Variants in INPP4B observed in about 807,000 individuals in gnomAD.
INPP4B encodes the protein inositol polyphosphate 4-phosphatase type II.
In INPP4B, 55 loss-of-function variants were observed where a neutral mutation model predicts 122.5. The ratio of observed to expected loss-of-function variants is 0.45; its 90% confidence interval spans 0.36 to 0.56. The LOEUF is 0.56. Among genes scored for constraint, INPP4B ranks in the 20% least tolerant of loss-of-function variants. The probability of loss-of-function intolerance (pLI) is 0.00; values close to 1 mark genes in which losing one functional copy is unlikely to be tolerated. For synonymous variants in INPP4B, 403 were observed against 388.7 expected, an observed-to-expected ratio of 1.04 and a Z score of -0.43; for missense variants, 1,000 against 1,097.7, an observed-to-expected ratio of 0.91 and a Z score of 1.26.
chr4:142,349,038 T>C (rs1416813663), intron 7 of INPP4B, among the ~76,000 whole-genome samples: 1 of 152,044 alleles, frequency 6.6e-6, no homozygotes, highest in Non-Finnish European at 1.5e-5. Flanking sequence ...TTATTTCTCT[T>C]CCAAATTTCT....
chr4:142,336,383 A>G (rs937887436), intron 7 of INPP4B, among the ~76,000 whole-genome samples: 5 of 152,164 alleles, frequency 3.3e-5, no homozygotes, highest in Non-Finnish European at 4.4e-5. Flanking sequence ...AAGAGCAGTC[A>G]CACTTCTGGA....
intron 2 of INPP4B, among the ~76,000 whole-genome samples, chr4:142,601,968 C>CAA (rs70949178): frequency 1.1e-4 from 8 of 74,884 alleles, no homozygotes; most frequent in South Asian, 5.2e-4. Flanking sequence ...GACTCCATCT[C>CAA]AAAAAAAAAA....
chr4:142,177,884 C>T (rs1015087159), intron 15 of INPP4B, among the ~76,000 whole-genome samples: 2 of 152,084 alleles, frequency 1.3e-5, no homozygotes, highest in African/African-American at 2.4e-5. Flanking sequence ...TGTCCCAGTC[C>T]CTTTTTCCTG....
intron 25 of INPP4B, chr4:142,029,909 G>A: frequency 8.2e-7 from 1 of 1,218,534 alleles, no homozygotes; most frequent in Non-Finnish European, 1.0e-6. Context: ...TCTTGAGCTA[G>A]TTAACAGTGG....
chr4:142,659,487 A>G (rs1346722996), intron 2 of INPP4B, among the ~76,000 whole-genome samples: 4 of 152,122 alleles, frequency 2.6e-5, no homozygotes, highest in Non-Finnish European at 5.9e-5. Flanking sequence ...TAAACTCATT[A>G]GTTGTTTTTA....
chr4:142,272,070 T>C (rs182457458), intron 9 of INPP4B, among the ~76,000 whole-genome samples: 83 of 152,318 alleles, frequency 5.4e-4, no homozygotes, highest in Middle Eastern at 3.4e-3. Flanking sequence ...AACTGAATAG[T>C]CATGTGACGT....
At chr4:142,765,529 T>C (rs1161007841) in intron 1 of INPP4B, among the ~76,000 whole-genome samples, 1 of 152,152 alleles carries the variant, frequency 6.6e-6, no homozygotes. Context: ...GTCCTTGTAA[T>C]TGAAAATAGA....
intron 1 of INPP4B, among the ~76,000 whole-genome samples, chr4:142,767,187 C>T (rs568919147): frequency 3.3e-4 from 50 of 152,258 alleles, no homozygotes; most frequent in African/African-American, 1.1e-3. Flanking sequence ...TTAATGTTTG[C>T]TCTGTCACTC....
At chr4:142,642,875 C>T (rs570376525) in intron 2 of INPP4B, among the ~76,000 whole-genome samples, 4 of 152,112 alleles carry the variant, frequency 2.6e-5, no homozygotes, top group Non-Finnish European at 5.9e-5. Context: ...GCCATTTTCA[C>T]AATATTGATT....
rs28475830 is a variant in INPP4B, at chr4:142,503,691, T to C, written c.-190-40965A>G. ...TACAAGAAGAATAGGTGCCTAATCA[T>C]AGCCAATAAAATCATGTAATAGAAG... On this transcript the variant is annotated intron_variant, in intron 2 of 25. Coordinates refer to ENST00000262992, the MANE Select transcript of INPP4B (RefSeq NM_001101669.3). 9.5e-3 allele frequency among the ~76,000 whole-genome samples: 1,448 copies of C among 152,152 alleles called. 21 individuals carry two copies. Among genetic ancestry groups the C allele is most frequent in the African/African-American group, 0.033 (1,370 of 41,536 alleles).
chr4:142,124,969 G>A (rs879687872), intron 18 of INPP4B, among the ~76,000 whole-genome samples: 1 of 152,094 alleles, frequency 6.6e-6, no homozygotes, highest in Non-Finnish European at 1.5e-5. Context: ...ACCTCTCCAA[G>A]TGGATGCATT....
rs76547199 is a variant in INPP4B, at chr4:142,713,257, T to C, written c.-191+12582A>G. Among the ~76,000 whole-genome samples, 1,328 of 152,332 alleles carry C rather than the reference T, an allele frequency of 8.7e-3. 18 individuals are homozygous for C. The highest frequency in any genetic ancestry group is 0.031 in the African/African-American group (1,269 of 41,568). ...AAAGTACAAGTTTATGGGATCAATT[T>C]TGAACTAAGTTCAAGATGTCTCTGG... is the stretch of plus-strand genomic sequence containing the variant. On this transcript the variant is annotated intron_variant, in intron 2 of 25. Coordinates refer to ENST00000262992, the MANE Select transcript of INPP4B (RefSeq NM_001101669.3).
At position 142,387,525 on chromosome 4, in the gene INPP4B, G is replaced by A. The variant is rs140692554; in HGVS notation, c.372+15413C>T. Among the ~76,000 whole-genome samples, 825 of 151,508 alleles carry A rather than the reference G, an allele frequency of 5.4e-3. 4 individuals carry two copies. The highest frequency in any genetic ancestry group is 0.019 in the African/African-American group (783 of 41,290). Reference sequence around the variant, plus strand: ...AAAAAAAGATTTTCTTTTGTGTTGCGTTTGGCCTCCAAGGTTATATAGTGT... The same window carrying A: ...AAAAAAAGATTTTCTTTTGTGTTGCATTTGGCCTCCAAGGTTATATAGTGT... On this transcript the variant is annotated intron_variant, in intron 7 of 25. Transcript: ENST00000262992.
At chr4:142,172,165 A>T (rs1465701622) in intron 16 of INPP4B, among the ~76,000 whole-genome samples, 1 of 151,928 alleles carries the variant, frequency 6.6e-6, no homozygotes, top group Non-Finnish European at 1.5e-5. Flanking sequence ...TTAAAAAAAA[A>T]CTTTTAAATA....
intron 2 of INPP4B, among the ~76,000 whole-genome samples, chr4:142,533,326 T>C (rs1369906078): frequency 1.3e-5 from 2 of 152,176 alleles, no homozygotes; most frequent in Admixed American, 1.3e-4. Context: ...TACTTCCTTT[T>C]AGGAAGATTG....
At position 142,270,737 on chromosome 4, in the gene INPP4B, C is replaced by T. The variant is rs770853226; in HGVS notation, c.541G>A (p.Val181Ile). 9 of 1,613,892 alleles carry T rather than the reference C, an allele frequency of 5.6e-6. No homozygotes were observed. The South Asian group carries it at 9.9e-5, about 18-fold the overall frequency. The change falls in exon 10 of 26, where the codon GTC (valine) becomes ATC (isoleucine). Residue 181 changes from valine (V) to isoleucine (I), a missense_variant. By Grantham distance (29) the Val-to-Ile change is conservative (BLOSUM62 3). Coordinates refer to ENST00000262992, the MANE Select transcript of INPP4B (RefSeq NM_001101669.3). ...DGGKVVGTIEVSVVKMGEIED... is the reference protein window; with the variant it reads ...DGGKVVGTIEISVVKMGEIED... ...ATCTCCCCCATCTTCACGACACTGA[C>T]TTCTATGGTGCCAACCACTTTGCCA...
intron 25 of INPP4B, among the ~76,000 whole-genome samples, chr4:142,050,919 A>G (rs1468414956): frequency 6.6e-6 from 1 of 152,040 alleles, no homozygotes; most frequent in Non-Finnish European, 1.5e-5. Flanking sequence ...TGAGGAACCC[A>G]TAGATTTAAT....
At chr4:142,315,737 T>C (rs1767355722) in intron 7 of INPP4B, among the ~76,000 whole-genome samples, 1 of 151,394 alleles carries the variant, frequency 6.6e-6, no homozygotes, top group Admixed American at 6.6e-5. Context: ...AAAGATGAGT[T>C]AAACAAGTTA....
chr4:142,328,248 T>C (rs767139473), intron 7 of INPP4B, among the ~76,000 whole-genome samples: 3 of 152,182 alleles, frequency 2.0e-5, no homozygotes, highest in Admixed American at 6.5e-5. Context: ...CTTCAAAAGA[T>C]TGACAAAATT....
Sources: gnomAD v4.1 joint callset for allele counts (sites outside exome capture counted in the v4.1 genomes callset) on GRCh38, gnomAD v4.1.1 for gene constraint, MANE v1.5 for transcripts, NCBI Gene and HGNC (gene_info 2026-07-23, HGNC 2026-07-21) for gene names.